CDK7: variants seen among roughly 807,000 people sequenced by gnomAD.
CDK7 encodes cyclin dependent kinase 7.
A neutral mutation model predicts 49.1 loss-of-function variants in CDK7; 25 were observed. The observed-to-expected ratio is 0.51, with a 90% CI of 0.37 to 0.71. CDK7 has a LOEUF of 0.71. Ranked by LOEUF, CDK7 falls within the 30% of genes least tolerant of loss-of-function variation. The pLI, the probability that CDK7 is intolerant of heterozygous loss-of-function variation, is 0.00. For missense variants in CDK7, 316 were observed against 411.7 expected, an observed-to-expected ratio of 0.77 and a Z score of 2.01; for synonymous variants, 107 against 140.0, an observed-to-expected ratio of 0.76 and a Z score of 1.67.
intron 8 of CDK7, among the ~76,000 whole-genome samples, chr5:69,264,468 C>G (rs1433304451): frequency 6.6e-6 from 1 of 151,928 alleles, no homozygotes; most frequent in African/African-American, 2.4e-5. Context: ...TCTCTTGAGC[C>G]CAGCAGTTCA....
intron 2 of CDK7, among the ~76,000 whole-genome samples, chr5:69,251,851 T>G (rs1750167766): frequency 1.3e-5 from 2 of 152,240 alleles, no homozygotes; most frequent in Non-Finnish European, 2.9e-5. Flanking sequence ...TCTTGATTAC[T>G]GACAGTTTTC....
chr5:69,239,316 C>T (rs1417593822), intron 2 of CDK7, among the ~76,000 whole-genome samples: 1 of 152,182 alleles, frequency 6.6e-6, no homozygotes, highest in Non-Finnish European at 1.5e-5. Flanking sequence ...ATTAACATTT[C>T]TCTGATTACT....
intron 2 of CDK7, among the ~76,000 whole-genome samples, chr5:69,239,656 GTTTA>G (rs1241845608): frequency 2.0e-5 from 3 of 151,978 alleles, no homozygotes; most frequent in African/African-American, 4.8e-5. Context: ...AAGGCTTTTA[GTTTA>G]TTTATGGTAT....
intron 8 of CDK7, among the ~76,000 whole-genome samples, chr5:69,267,072 CTTTCTT>C (rs1751204413): frequency 6.6e-6 from 1 of 152,084 alleles, no homozygotes; most frequent in Non-Finnish European, 1.5e-5. Context: ...CAAAGCAGCT[CTTTCTT>C]TAGGGAAAAA....
At chr5:69,237,106 G>A (rs565137409) in intron 2 of CDK7, among the ~76,000 whole-genome samples, 9 of 151,460 alleles carry the variant, frequency 5.9e-5, no homozygotes, top group Admixed American at 2.6e-4. Context: ...TTGTGGTGGC[G>A]GGGCAGGAGG....
upstream of CDK7, chr5:69,234,801 C>A: frequency 1.6e-6 from 1 of 640,608 alleles, no homozygotes; most frequent in Non-Finnish European, 2.7e-6. Context: ...GTGGGGAACG[C>A]CAACCGCCTG....
chr5:69,241,883 T>A lies in CDK7; in HGVS notation c.126+6430T>A, dbSNP rs542734981. Among the ~76,000 whole-genome samples the A allele has an allele frequency of 2.4e-4, 36 of 152,344 alleles. 1 individual carries two copies. The South Asian group carries it at 7.2e-3, about 31-fold the overall frequency. ...GTTTTCTCTTCACTGTGTTGTTTCCTTTGCTCTGCAGAAGCATCTTAACTT... is the reference window on the plus strand; with the variant it reads ...GTTTTCTCTTCACTGTGTTGTTTCCATTGCTCTGCAGAAGCATCTTAACTT... On this transcript the variant is annotated intron_variant, in intron 2 of 11. Coordinates refer to ENST00000256443, the MANE Select transcript of CDK7 (RefSeq NM_001799.4).
intron 2 of CDK7, among the ~76,000 whole-genome samples, chr5:69,239,430 T>C (rs561108892): frequency 6.6e-6 from 1 of 152,178 alleles, no homozygotes; most frequent in African/African-American, 2.4e-5. Context: ...ATTGGACTTA[T>C]TCATACTTTT....
At chr5:69,255,085 A>T (rs1241855344) in intron 4 of CDK7, among the ~76,000 whole-genome samples, 1 of 152,214 alleles carries the variant, frequency 6.6e-6, no homozygotes, top group Admixed American at 6.5e-5. Flanking sequence ...CCTACCATAG[A>T]AAATGTATTC....
chr5:69,238,998 C>T (rs1240568316), intron 2 of CDK7, among the ~76,000 whole-genome samples: 1 of 152,048 alleles, frequency 6.6e-6, no homozygotes, highest in Non-Finnish European at 1.5e-5. Context: ...TCCAAACTCT[C>T]GTTGATAAAC....
At chr5:69,258,189 A>C in intron 6 of CDK7, 36 bp downstream of exon 6, 1 of 899,098 alleles carries the variant, frequency 1.1e-6, no homozygotes, top group Non-Finnish European at 1.7e-6. Flanking sequence ...ATACTAGTCA[A>C]GTTTTATATA....
In CDK7 at chr5:69,277,111, ATT is replaced by A. The variant is rs1467934197; in HGVS notation, c.1018_1019del (p.Leu340AlafsTer34). ...CTTGTTCTTTTTGCTTCCTAGGAGGATTGCCCAAGAAACTAATTTTTTAAAGA... is the reference window on the plus strand; with the variant it reads ...CTTGTTCTTTTTGCTTCCTAGGAGGAGCCCAAGAAACTAATTTTTTAAAGA... Reference protein sequence around the residue: ...KRTEALEQGGLPKKLIF With the variant: ...KRTEALEQGGXPKKLIF On this transcript the variant is annotated frameshift_variant, in exon 12 of 12. Coordinates refer to ENST00000256443, the MANE Select transcript of CDK7 (RefSeq NM_001799.4). LOFTEE classifies it high-confidence loss of function. The A allele has an allele frequency of 1.3e-6, 2 of 1,596,306 alleles. No individual in the cohort carries two copies. The highest frequency in any genetic ancestry group is 2.7e-5 in the African/African-American group (2 of 74,144).
At chr5:69,270,410 G>A (rs553791710) in intron 9 of CDK7, among the ~76,000 whole-genome samples, 13 of 152,288 alleles carry the variant, frequency 8.5e-5, no homozygotes, top group East Asian at 1.9e-4. Flanking sequence ...GCACCACTGC[G>A]CTTTACCAGC....
At chr5:69,241,735 C>T (rs959622494) in intron 2 of CDK7, among the ~76,000 whole-genome samples, 4 of 152,138 alleles carry the variant, frequency 2.6e-5, no homozygotes, top group African/African-American at 4.8e-5. Context: ...TCAGATCTTT[C>T]GCCCATTTTT....
intron 2 of CDK7, among the ~76,000 whole-genome samples, chr5:69,245,566 C>A (rs1255637079): frequency 3.9e-5 from 6 of 151,916 alleles, no homozygotes; most frequent in African/African-American, 1.5e-4. Context: ...GTCTCGAACT[C>A]CTGACCTCAA....
intron 2 of CDK7, among the ~76,000 whole-genome samples, chr5:69,243,840 T>TTG (rs1749548214): frequency 7.1e-6 from 1 of 140,702 alleles, no homozygotes; most frequent in Non-Finnish European, 1.5e-5. Flanking sequence ...TTTTTTTTTT[T>TTG]TTTTTTTTTT....
chr5:69,253,471 G>T (rs1281882630), intron 3 of CDK7, among the ~76,000 whole-genome samples: 1 of 152,006 alleles, frequency 6.6e-6, no homozygotes, highest in African/African-American at 2.4e-5. Context: ...TTGCCACCTT[G>T]GCCAGGCTGG....
intron 7 of CDK7, among the ~76,000 whole-genome samples, chr5:69,260,326 G>A (rs945187821): frequency 3.3e-5 from 5 of 151,964 alleles, no homozygotes; most frequent in Non-Finnish European, 7.4e-5. Flanking sequence ...CTCCAGCCTG[G>A]GCGACAGAGA....
intron 9 of CDK7, among the ~76,000 whole-genome samples, chr5:69,270,882 A>G (rs990702036): frequency 1.3e-5 from 2 of 152,168 alleles, no homozygotes; most frequent in African/African-American, 2.4e-5. Flanking sequence ...AAGGACATCT[A>G]TATTTGTGTT....
Sources: gnomAD v4.1 joint callset for allele counts (sites outside exome capture counted in the v4.1 genomes callset) on GRCh38, gnomAD v4.1.1 for gene constraint, MANE v1.5 for transcripts, NCBI Gene and HGNC (gene_info 2026-07-23, HGNC 2026-07-21) for gene names.